RGS17: variants seen among roughly 807,000 people sequenced by gnomAD.
The protein encoded by RGS17 is regulator of G-protein signaling 17.
A neutral mutation model predicts 25.5 loss-of-function variants in RGS17; 12 were observed. The observed-to-expected ratio is 0.47, with a 90% CI of 0.30 to 0.76. The LOEUF is 0.76. Among genes scored for constraint, RGS17 ranks in the 30% least tolerant of loss-of-function variants. RGS17 has a pLI of 0.07. For synonymous variants in RGS17, 71 were observed against 76.9 expected, an observed-to-expected ratio of 0.92 and a Z score of 0.40; for missense variants, 196 against 242.2, an observed-to-expected ratio of 0.81 and a Z score of 1.27.
intron 1 of RGS17, among the ~76,000 whole-genome samples, chr6:153,068,267 A>G (rs1776736633): frequency 1.3e-5 from 2 of 149,216 alleles, no homozygotes; most frequent in South Asian, 4.4e-4. Flanking sequence ...AAACATGGTG[A>G]ACCCCCCATT....
intron 1 of RGS17, among the ~76,000 whole-genome samples, chr6:153,080,720 G>C (rs1349666237): frequency 6.6e-6 from 1 of 151,946 alleles, no homozygotes; most frequent in African/African-American, 2.4e-5. Flanking sequence ...ACTAACATAA[G>C]AAGCATTGAA....
At chr6:153,039,487 C>T (rs933366704) in intron 2 of RGS17, among the ~76,000 whole-genome samples, 30 of 152,076 alleles carry the variant, frequency 2.0e-4, no homozygotes, top group African/African-American at 6.3e-4. Flanking sequence ...CAGAGGGCAA[C>T]GTAAACATTT....
chr6:153,082,683 T>G (rs1777001821), intron 1 of RGS17, among the ~76,000 whole-genome samples: 1 of 152,198 alleles, frequency 6.6e-6, no homozygotes, highest in African/African-American at 2.4e-5. Flanking sequence ...TTGGATGATA[T>G]TTCTCCTGGC....
At chr6:153,081,681 T>C (rs1463011455) in intron 1 of RGS17, among the ~76,000 whole-genome samples, 2 of 152,146 alleles carry the variant, frequency 1.3e-5, no homozygotes, top group Non-Finnish European at 2.9e-5. Flanking sequence ...ATGCCCCCAG[T>C]TCCCTGTGCT....
chr6:153,109,775 T>C (rs1777440406), intron 1 of RGS17, among the ~76,000 whole-genome samples: 1 of 152,242 alleles, frequency 6.6e-6, no homozygotes, highest in Non-Finnish European at 1.5e-5. Context: ...GGGTGCCATT[T>C]AAACTTATCA....
intron 1 of RGS17, among the ~76,000 whole-genome samples, chr6:153,105,577 T>C (rs1169456827): frequency 6.6e-6 from 1 of 151,814 alleles, no homozygotes; most frequent in African/African-American, 2.4e-5. Flanking sequence ...ATGCCAGGAG[T>C]AGCCAGAGAC....
intron 1 of RGS17, among the ~76,000 whole-genome samples, chr6:153,061,150 C>T (rs1420361007): frequency 6.6e-6 from 1 of 152,134 alleles, no homozygotes; most frequent in African/African-American, 2.4e-5. Flanking sequence ...CCAATTTTTA[C>T]CTGACTTATT....
intron 4 of RGS17, among the ~76,000 whole-genome samples, chr6:153,020,100 TAAAAAAA>T (rs57320874): frequency 2.2e-5 from 1 of 45,026 alleles, no homozygotes; most frequent in African/African-American, 8.6e-5. Context: ...GCAAATATCT[TAAAAAAA>T]AAAAATATAT....
Position 153,092,125 on chromosome 6 carries a change from C to T in RGS17, c.-26+38999G>A, listed in dbSNP as rs184953807. Among the ~76,000 whole-genome samples the T allele has an allele frequency of 2.6e-5, 4 of 152,232 alleles. No homozygotes were observed. The East Asian group carries it at 7.7e-4, about 29-fold the overall frequency. Reference sequence around the variant, plus strand: ...AAAAAAATTCCAAAAGATTACTGGACTTACTCTTTGAATTTTTGTCTTTTA... The same window carrying T: ...AAAAAAATTCCAAAAGATTACTGGATTTACTCTTTGAATTTTTGTCTTTTA... On this transcript the variant is annotated intron_variant, in intron 1 of 4. Coordinates refer to ENST00000206262, the MANE Select transcript of RGS17 (RefSeq NM_012419.5).
chr6:153,020,817 T>C (rs1458806564), intron 4 of RGS17, among the ~76,000 whole-genome samples: 1 of 152,136 alleles, frequency 6.6e-6, no homozygotes, highest in Non-Finnish European at 1.5e-5. Context: ...AAAGCCAAGA[T>C]TGTCTAGCCC....
chr6:153,074,013 A>C (rs1302414301), intron 1 of RGS17, among the ~76,000 whole-genome samples: 1 of 152,208 alleles, frequency 6.6e-6, no homozygotes, highest in Non-Finnish European at 1.5e-5. Context: ...TAAAATAAGA[A>C]GGAAATGAAA....
At chr6:153,126,989 GAAGACAATTTTTCC>G (rs1308684826) in intron 1 of RGS17, among the ~76,000 whole-genome samples, 1 of 152,160 alleles carries the variant, frequency 6.6e-6, no homozygotes, top group Admixed American at 6.5e-5. Context: ...CGGTTTCATG[GAAGACAATTTTTCC>G]ACGGATGGCA....
At chr6:153,077,595 AAAGG>A (rs1179757317) in intron 1 of RGS17, among the ~76,000 whole-genome samples, 3 of 152,200 alleles carry the variant, frequency 2.0e-5, no homozygotes, top group African/African-American at 7.2e-5. Context: ...GCAAAAAATA[AAAGG>A]AAGAAAATTA....
intron 2 of RGS17, among the ~76,000 whole-genome samples, chr6:153,037,430 CT>C (rs532609053): frequency 1.6e-3 from 229 of 142,590 alleles, no homozygotes; most frequent in Middle Eastern, 7.4e-3. Flanking sequence ...GCATTTTTTA[CT>C]TTTTTTTTTT....
At chr6:153,128,372 C>G (rs923207784) in intron 1 of RGS17, among the ~76,000 whole-genome samples, 1 of 152,154 alleles carries the variant, frequency 6.6e-6, no homozygotes, top group African/African-American at 2.4e-5. Flanking sequence ...GTATCAGAAA[C>G]AGGATTCTCA....
In RGS17 at chr6:153,125,735, C is replaced by T. The variant is rs533109264; in HGVS notation, c.-26+5389G>A. The stretch of plus-strand genomic sequence containing the variant: ...GGGCGTCGTGGTACACACCTGTAGT[C>T]CCAGCTCCTGAGGTGGCAAGATCAC... On this transcript the variant is annotated intron_variant, in intron 1 of 4. Coordinates refer to ENST00000206262, the MANE Select transcript of RGS17 (RefSeq NM_012419.5). Among the ~76,000 whole-genome samples the T allele has an allele frequency of 2.6e-5, 4 of 152,226 alleles. No homozygotes were observed. The East Asian group carries it at 7.7e-4, about 29-fold the overall frequency.
At chr6:153,086,717 G>A (rs550435956) in intron 1 of RGS17, among the ~76,000 whole-genome samples, 39 of 152,228 alleles carry the variant, frequency 2.6e-4, no homozygotes, top group African/African-American at 8.7e-4. Flanking sequence ...AAGATACAGC[G>A]AGGTTAATAA....
chr6:153,035,731 T>C (rs1301802347), intron 2 of RGS17, among the ~76,000 whole-genome samples: 1 of 152,178 alleles, frequency 6.6e-6, no homozygotes, highest in East Asian at 1.9e-4. Flanking sequence ...AAATGAATAA[T>C]TTGCTTTGAA....
chr6:153,049,892 G>A (rs943871547), intron 1 of RGS17, among the ~76,000 whole-genome samples: 5 of 152,140 alleles, frequency 3.3e-5, no homozygotes, highest in Admixed American at 2.0e-4. Flanking sequence ...ATAAGTGGGG[G>A]TGTTTGTTCT....
Sources: gnomAD v4.1 joint callset for allele counts (sites outside exome capture counted in the v4.1 genomes callset) on GRCh38, gnomAD v4.1.1 for gene constraint, MANE v1.5 for transcripts, NCBI Gene and HGNC (gene_info 2026-07-23, HGNC 2026-07-21) for gene names.